The following CA10 variants were observed in gnomAD, a reference collection of about 807,000 sequenced individuals.
The protein encoded by CA10 is carbonic anhydrase-related protein 10.
A neutral mutation model predicts 44.2 loss-of-function variants in CA10; 14 were observed. That is an observed-to-expected ratio of 0.32 (90% CI 0.21 to 0.50). The LOEUF (loss-of-function observed/expected upper bound fraction) is 0.50. Ranked by LOEUF, CA10 falls within the 20% of genes least tolerant of loss-of-function variation. The probability of loss-of-function intolerance (pLI) is 0.99; values close to 1 mark genes in which losing one functional copy is unlikely to be tolerated. For synonymous variants in CA10, 159 were observed against 141.6 expected, an observed-to-expected ratio of 1.12 and a Z score of -0.87; for missense variants, 350 against 409.7, an observed-to-expected ratio of 0.85 and a Z score of 1.26.
chr17:52,010,043 C>T (rs1985733611), intron 2 of CA10, among the ~76,000 whole-genome samples: 1 of 151,908 alleles, frequency 6.6e-6, no homozygotes, highest in African/African-American at 2.4e-5. Flanking sequence ...ATCAAAACCA[C>T]AATGCAATAC....
At chr17:51,892,580 T>C (rs769347370) in intron 3 of CA10, among the ~76,000 whole-genome samples, 1 of 152,154 alleles carries the variant, frequency 6.6e-6, no homozygotes, top group African/African-American at 2.4e-5. Flanking sequence ...AATGAGATAA[T>C]CTTGTTATGG....
intron 4 of CA10, among the ~76,000 whole-genome samples, chr17:51,725,176 G>A (rs1459390336): frequency 6.6e-6 from 1 of 152,224 alleles, no homozygotes; most frequent in East Asian, 1.9e-4. Flanking sequence ...CACAGGACAG[G>A]ACACAAGTTG....
intron 2 of CA10, among the ~76,000 whole-genome samples, chr17:52,031,385 A>G (rs969213233): frequency 1.3e-5 from 2 of 152,028 alleles, no homozygotes; most frequent in Non-Finnish European, 2.9e-5. Context: ...CCTGACCTCA[A>G]GTGATCCACC....
At chr17:52,112,412 T>A (rs1485096864) in intron 1 of CA10, among the ~76,000 whole-genome samples, 1 of 152,208 alleles carries the variant, frequency 6.6e-6, no homozygotes, top group Non-Finnish European at 1.5e-5. Flanking sequence ...ATTTACATAT[T>A]GCCTATGCTT....
intron 4 of CA10, among the ~76,000 whole-genome samples, chr17:51,697,209 C>A (rs1272681875): frequency 2.0e-5 from 3 of 152,094 alleles, no homozygotes; most frequent in Non-Finnish European, 2.9e-5. Flanking sequence ...AAAATGGGAA[C>A]AGTAACATGT....
At chr17:52,028,574 T>C (rs920921055) in intron 2 of CA10, among the ~76,000 whole-genome samples, 2 of 152,132 alleles carry the variant, frequency 1.3e-5, no homozygotes, top group Non-Finnish European at 2.9e-5. Flanking sequence ...TGTGGAGCCC[T>C]CCCAAAAGAA....
chr17:51,816,513 G>T (rs1197127902), intron 3 of CA10, among the ~76,000 whole-genome samples: 2 of 152,090 alleles, frequency 1.3e-5, no homozygotes, highest in African/African-American at 2.4e-5. Flanking sequence ...ATGAAAAATG[G>T]CCTCTTTATT....
rs147912114 is a variant in CA10, at chr17:51,680,939, C to G, written c.466-27203G>C. Reference sequence around the variant, plus strand: ...TTCCCCCCCAACATTCCCAGAGAGCCAGAATGCCAGGGTAGAGTACAAATC... The same window carrying G: ...TTCCCCCCCAACATTCCCAGAGAGCGAGAATGCCAGGGTAGAGTACAAATC... On this transcript the variant is annotated intron_variant, in intron 4 of 8. Coordinates refer to ENST00000451037, the MANE Select transcript of CA10 (RefSeq NM_020178.5). Among the ~76,000 whole-genome samples the G allele has an allele frequency of 8.5e-5, 13 of 152,196 alleles. No homozygotes were observed. The East Asian group carries it at 2.5e-3, about 29-fold the overall frequency.
At chr17:52,059,933 AG>A (rs1372778794) in intron 2 of CA10, among the ~76,000 whole-genome samples, 1 of 152,204 alleles carries the variant, frequency 6.6e-6, no homozygotes. Flanking sequence ...GTCCAATTCG[AG>A]AAATACTACC....
chr17:51,644,790 C>T (rs1414211642), intron 6 of CA10, among the ~76,000 whole-genome samples: 2 of 144,282 alleles, frequency 1.4e-5, no homozygotes, highest in East Asian at 2.0e-4. Context: ...TATATCAGTA[C>T]ATTTCTTGGC....
intron 2 of CA10, among the ~76,000 whole-genome samples, chr17:52,030,918 A>G (rs965366362): frequency 1.3e-5 from 2 of 152,118 alleles, no homozygotes; most frequent in African/African-American, 4.8e-5. Context: ...TAAGGCCTTC[A>G]GTCTTGGACT....
chr17:51,722,410 G>A (rs1254073920), intron 4 of CA10, among the ~76,000 whole-genome samples: 1 of 152,148 alleles, frequency 6.6e-6, no homozygotes, highest in African/African-American at 2.4e-5. Context: ...TTACCCTTAA[G>A]AAGCATCTTT....
chr17:51,864,651 T>C (rs1381056158), intron 3 of CA10, among the ~76,000 whole-genome samples: 1 of 152,200 alleles, frequency 6.6e-6, no homozygotes, highest in East Asian at 1.9e-4. Flanking sequence ...CAGAAAACAC[T>C]GTGTAAGAAA....
chr17:52,157,613 A>C lies in CA10; in HGVS notation c.61+113T>G, dbSNP rs535531871. On this transcript the variant is annotated intron_variant, in intron 1 of 8. Coordinates refer to ENST00000451037, the MANE Select transcript of CA10 (RefSeq NM_020178.5). ...TGAAGGCGGCAAACCCGCAGAACTCAAAGGGTCTCGCCACCCCTCTCTCTG... is the reference window on the plus strand; with the variant it reads ...TGAAGGCGGCAAACCCGCAGAACTCCAAGGGTCTCGCCACCCCTCTCTCTG... 1.6e-4 allele frequency: 154 copies of C among 936,570 alleles called. 1 individual carries two copies. The Admixed American group carries it at 2.5e-3, about 15-fold the overall frequency. 58.0% of individuals were successfully genotyped at this position (936,570 alleles called of 1,614,324 possible). A position where few individuals can be genotyped will look rare whatever the true frequency, so the allele number is the denominator to read the frequency against.
intron 2 of CA10, among the ~76,000 whole-genome samples, chr17:51,978,562 A>T (rs1984541438): frequency 6.6e-6 from 1 of 152,146 alleles, no homozygotes; most frequent in South Asian, 2.1e-4. Flanking sequence ...ATGAACCAGG[A>T]TAACTAAAAC....
chr17:52,002,805 T>G (rs1501254), intron 2 of CA10, among the ~76,000 whole-genome samples: 51,524 of 151,686 alleles, frequency 0.34, 10,461 homozygotes, highest in East Asian at 0.74. Flanking sequence ...AGAAGCCAGT[T>G]TGCTTATTAC....
chr17:51,678,964 G>A (rs927545840), intron 4 of CA10, among the ~76,000 whole-genome samples: 7 of 152,150 alleles, frequency 4.6e-5, no homozygotes, highest in South Asian at 2.1e-4. Flanking sequence ...AGAAGGACAA[G>A]GATTGACTGT....
At chr17:51,761,059 T>A (rs1465679583) in intron 3 of CA10, among the ~76,000 whole-genome samples, 1 of 152,198 alleles carries the variant, frequency 6.6e-6, no homozygotes, top group African/African-American at 2.4e-5. Flanking sequence ...CGGGTCAGTC[T>A]TCCTTCCCAA....
chr17:51,674,183 A>G (rs975602949), intron 4 of CA10, among the ~76,000 whole-genome samples: 1 of 152,228 alleles, frequency 6.6e-6, no homozygotes, highest in African/African-American at 2.4e-5. Flanking sequence ...ACAGTGGTTT[A>G]TAGAAATTAT....
Sources: allele counts gnomAD v4.1 joint callset (sites outside exome capture counted in the v4.1 genomes callset), GRCh38; gene constraint gnomAD v4.1.1; transcripts MANE v1.5; gene names NCBI Gene and HGNC (gene_info 2026-07-23, HGNC 2026-07-21).